FBXL13: variants seen among roughly 807,000 people sequenced by gnomAD.
FBXL13 encodes the protein F-box and leucine rich repeat protein 13, also known as F-box and leucine-rich repeat protein 13.
Under a neutral mutation model 83.6 loss-of-function variants are expected in FBXL13, and 67 were observed. The observed-to-expected ratio is 0.80, with a 90% CI of 0.66 to 0.98. The LOEUF is 0.98. FBXL13 is among the 50% of genes least tolerant of loss of function. The pLI is 0.00. For missense variants in FBXL13, 822 were observed against 866.5 expected, an observed-to-expected ratio of 0.95 and a Z score of 0.64; for synonymous variants, 272 against 299.5, an observed-to-expected ratio of 0.91 and a Z score of 0.95.
intron 19 of FBXL13, among the ~76,000 whole-genome samples, chr7:102,817,857 A>G (rs1036035054): frequency 6.6e-6 from 1 of 152,152 alleles, no homozygotes; most frequent in East Asian, 1.9e-4. Flanking sequence ...CCCGTATGAA[A>G]TGATTTGGGA....
chr7:102,913,419 T>C (rs769943727), intron 10 of FBXL13, among the ~76,000 whole-genome samples: 6 of 152,236 alleles, frequency 3.9e-5, no homozygotes, highest in Admixed American at 2.0e-4. Context: ...ATTTAATACC[T>C]TGTAATACAT....
intron 18 of FBXL13, chr7:102,827,092 G>A (rs1799869751): frequency 2.2e-6 from 1 of 447,296 alleles, no homozygotes; most frequent in Admixed American, 2.4e-5. Context: ...TTGACCAAAG[G>A]AATGGAGCAG....
chr7:102,933,141 G>T (rs1819543661), intron 8 of FBXL13: 1 of 152,198 alleles, frequency 6.6e-6, no homozygotes. Context: ...TTTAAAATAG[G>T]GCTGAACAGG....
chr7:102,827,121 C>T (rs1156243992), intron 18 of FBXL13: 2 of 454,240 alleles, frequency 4.4e-6, no homozygotes, highest in Admixed American at 2.4e-5. Flanking sequence ...TTCTTCTGAG[C>T]CAGGCCTCAA....
chr7:102,822,250 A>G, intron 18 of FBXL13, 47 bp from the exon 20 acceptor site: 1 of 1,531,954 alleles, frequency 6.5e-7, no homozygotes, highest in Non-Finnish European at 9.0e-7. Context: ...ACACTATCTC[A>G]GGGAAGAACA....
chr7:103,041,250 C>T (rs1795657811), intron 2 of FBXL13, among the ~76,000 whole-genome samples: 1 of 152,174 alleles, frequency 6.6e-6, no homozygotes, highest in Non-Finnish European at 1.5e-5. Context: ...TTCCTGGACA[C>T]ATACACCCTC....
intron 6 of FBXL13, 81 bp from the exon 8 acceptor site, chr7:102,968,198 T>TGCACACATGTGCGTGC: frequency 1.2e-6 from 1 of 850,984 alleles, no homozygotes; most frequent in Non-Finnish European, 1.9e-6. Context: ...TCTGTGTGTG[T>TGCACACATGTGCGTGC]GCACACATGT....
chr7:102,836,443 A>G (rs189320359), intron 17 of FBXL13, among the ~76,000 whole-genome samples: 3 of 152,324 alleles, frequency 2.0e-5, no homozygotes, highest in Admixed American at 2.0e-4. Context: ...TTTCCCCCCT[A>G]CAGATAAGAT....
At chr7:103,018,632 T>C (rs1264493961) in intron 6 of FBXL13, among the ~76,000 whole-genome samples, 2 of 151,878 alleles carry the variant, frequency 1.3e-5, no homozygotes, top group African/African-American at 4.8e-5. Context: ...GAGGAAGATC[T>C]ACCAAGCAAA....
chr7:102,911,069 T>C (rs542438117), intron 11 of FBXL13, among the ~76,000 whole-genome samples: 46 of 152,340 alleles, frequency 3.0e-4, no homozygotes, highest in African/African-American at 1.1e-3. Context: ...CCTAAAAGCA[T>C]ACAAAGGTGT....
chr7:102,831,394 GACACACACAC>G (rs3045618), intron 18 of FBXL13, among the ~76,000 whole-genome samples: 6 of 141,652 alleles, frequency 4.2e-5, no homozygotes, highest in African/African-American at 1.1e-4. Flanking sequence ...CAGTGCCCGG[GACACACACAC>G]ACACACACAC....
Position 103,008,620 on chromosome 7 carries a change from C to T in FBXL13, c.495+16443G>A, listed in dbSNP as rs1177466553. 5.3e-5 allele frequency among the ~76,000 whole-genome samples: 8 copies of T among 152,074 alleles called. No individual in the cohort carries two copies. The South Asian group carries it at 6.2e-4, about 12-fold the overall frequency. ...TCATCCAGGCTAGAGTGCAGTGGTG[C>T]GATCTCAGCTCACTGCAATCTCCGC... On this transcript the variant is annotated intron_variant, in intron 6 of 19. Coordinates refer to ENST00000313221, the Ensembl canonical transcript of FBXL13.
intron 6 of FBXL13, among the ~76,000 whole-genome samples, chr7:102,996,510 G>A (rs1242658052): frequency 6.6e-6 from 1 of 152,174 alleles, no homozygotes; most frequent in Non-Finnish European, 1.5e-5. Context: ...TTTAGATACT[G>A]ATGACTGGTA....
chr7:102,956,337 T>C (rs1824266132), intron 8 of FBXL13, among the ~76,000 whole-genome samples: 1 of 152,168 alleles, frequency 6.6e-6, no homozygotes, highest in African/African-American at 2.4e-5. Flanking sequence ...TCAACAGCCC[T>C]TCATGCTAAA....
intron 10 of FBXL13, among the ~76,000 whole-genome samples, chr7:102,925,430 G>A (rs906380080): frequency 2.6e-5 from 4 of 152,084 alleles, no homozygotes; most frequent in Admixed American, 6.5e-5. Flanking sequence ...TGATAAATTT[G>A]AATATTCTGT....
intron 11 of FBXL13, among the ~76,000 whole-genome samples, chr7:102,895,577 G>A (rs1317974233): frequency 6.6e-6 from 1 of 152,192 alleles, no homozygotes; most frequent in Non-Finnish European, 1.5e-5. Flanking sequence ...CAGCATGTCT[G>A]GTTGTTCCAT....
intron 19 of FBXL13, among the ~76,000 whole-genome samples, chr7:102,819,194 C>G (rs1275597075): frequency 6.6e-6 from 1 of 152,172 alleles, no homozygotes; most frequent in Admixed American, 6.6e-5. Context: ...ACCTTGTTGC[C>G]TTTCCCCACA....
rs377316095 is a variant in FBXL13 at position 102,968,002 on chromosome 7, T to A, written c.591+20A>T. 1.3e-4 allele frequency: 208 copies of A among 1,579,984 alleles called. 1 individual carries two copies. The highest frequency in any genetic ancestry group is 1.8e-4 in the Non-Finnish European group (204 of 1,149,538). ...TTTAAGAACTAGTGTAAAGACATAG[T>A]TCAGTTAGTATCTACTTACAGCATT... On this transcript the variant is annotated intron_variant, in intron 7 of 19. Coordinates refer to ENST00000313221, the Ensembl canonical transcript of FBXL13.
intron 1 of FBXL13, among the ~76,000 whole-genome samples, chr7:103,068,011 A>C (rs1254218879): frequency 6.6e-6 from 1 of 152,218 alleles, no homozygotes; most frequent in African/African-American, 2.4e-5. Flanking sequence ...AGAAATTAAG[A>C]GATAAGTGGA....
Sources: gnomAD v4.1 joint callset for allele counts (sites outside exome capture counted in the v4.1 genomes callset) on GRCh38, gnomAD v4.1.1 for gene constraint, MANE v1.5 for transcripts, NCBI Gene and HGNC (gene_info 2026-07-23, HGNC 2026-07-21) for gene names.